The following ATP8A2 variants were observed in gnomAD, a reference collection of about 807,000 sequenced individuals.
ATP8A2 encodes ATPase phospholipid transporting 8A2.
ATP8A2 carries 100 observed loss-of-function variants against 165.6 expected under a neutral mutation model. The ratio of observed to expected loss-of-function variants is 0.60; its 90% CI spans 0.51 to 0.71. The LOEUF is 0.71. Among genes scored for constraint, ATP8A2 ranks in the 30% least tolerant of loss-of-function variants. ATP8A2 has a pLI of 0.00. For missense variants in ATP8A2, 1,227 were observed against 1,479.5 expected, an observed-to-expected ratio of 0.83 and a Z score of 2.80; for synonymous variants, 543 against 548.8, an observed-to-expected ratio of 0.99 and a Z score of 0.15.
intron 35 of ATP8A2, among the ~76,000 whole-genome samples, chr13:25,990,143 T>G (rs1326809887): frequency 6.6e-6 from 1 of 152,064 alleles, no homozygotes; most frequent in Non-Finnish European, 1.5e-5. Flanking sequence ...TTTGCGTTTA[T>G]ACGTTGGCCC....
intron 1 of ATP8A2, among the ~76,000 whole-genome samples, chr13:25,413,923 G>A (rs2034053534): frequency 6.6e-6 from 1 of 151,966 alleles, no homozygotes; most frequent in African/African-American, 2.4e-5. Context: ...TGGATTGACT[G>A]AAAATCTTCA....
At chr13:25,454,253 T>C (rs1330208396) in intron 1 of ATP8A2, among the ~76,000 whole-genome samples, 1 of 152,184 alleles carries the variant, frequency 6.6e-6, no homozygotes, top group Non-Finnish European at 1.5e-5. Context: ...ATGCCTGTCA[T>C]CAACCCACCA....
intron 2 of ATP8A2, among the ~76,000 whole-genome samples, chr13:25,513,368 G>C (rs1182479477): frequency 2.0e-5 from 3 of 151,858 alleles, no homozygotes; most frequent in Non-Finnish European, 2.9e-5. Context: ...TGGGCGGCCG[G>C]GCAGAGACGC....
intron 2 of ATP8A2, among the ~76,000 whole-genome samples, chr13:25,528,177 G>T (rs1165591250): frequency 6.6e-6 from 1 of 152,110 alleles, no homozygotes; most frequent in Non-Finnish European, 1.5e-5. Context: ...GTGACATCCT[G>T]TTATGCCACA....
chr13:25,801,323 T>C (rs192138556), intron 27 of ATP8A2, among the ~76,000 whole-genome samples: 2 of 152,320 alleles, frequency 1.3e-5, no homozygotes, highest in Admixed American at 1.3e-4. Flanking sequence ...GTTAGTGCTC[T>C]GACCTGAGGA....
At chr13:25,463,825 A>G (rs1304944117) in intron 1 of ATP8A2, among the ~76,000 whole-genome samples, 1 of 152,164 alleles carries the variant, frequency 6.6e-6, no homozygotes, top group Non-Finnish European at 1.5e-5. Flanking sequence ...CTGCTGACTG[A>G]GTGTCCCTCC....
chr13:25,428,170 T>A (rs771690023), intron 1 of ATP8A2, among the ~76,000 whole-genome samples: 7 of 145,934 alleles, frequency 4.8e-5, no homozygotes, highest in Non-Finnish European at 1.1e-4. Flanking sequence ...GGTGACAGAG[T>A]AAGACCCTGT....
intron 2 of ATP8A2, among the ~76,000 whole-genome samples, chr13:25,522,478 C>T (rs1421679354): frequency 3.3e-5 from 5 of 152,112 alleles, no homozygotes; most frequent in Non-Finnish European, 7.3e-5. Flanking sequence ...GCATCCTTAT[C>T]ATGTTCCAGA....
At chr13:25,657,409 G>A (rs1369629538) in intron 24 of ATP8A2, among the ~76,000 whole-genome samples, 5 of 152,128 alleles carry the variant, frequency 3.3e-5, no homozygotes, top group African/African-American at 2.4e-5. Context: ...TCAGATGCCT[G>A]GGGGGGTGAG....
chr13:25,800,159 A>G (rs1352065698), intron 27 of ATP8A2, among the ~76,000 whole-genome samples: 1 of 152,234 alleles, frequency 6.6e-6, no homozygotes, highest in Admixed American at 6.5e-5. Flanking sequence ...GGTGCGATGT[A>G]ACTTGTCCAC....
chr13:25,469,554 A>G (rs1028438774), intron 2 of ATP8A2, among the ~76,000 whole-genome samples: 2 of 152,034 alleles, frequency 1.3e-5, no homozygotes, highest in Admixed American at 1.3e-4. Context: ...AAGGAATCAC[A>G]TTCAGTTCTC....
intron 24 of ATP8A2, among the ~76,000 whole-genome samples, chr13:25,603,333 C>CA (rs906462842): frequency 1.3e-4 from 20 of 151,054 alleles, no homozygotes; most frequent in Non-Finnish European, 2.1e-4. Flanking sequence ...ACAAAAAATA[C>CA]AAAAAAAATT....
At chr13:25,887,615 C>T (rs1381326122) in intron 33 of ATP8A2, among the ~76,000 whole-genome samples, 1 of 152,074 alleles carries the variant, frequency 6.6e-6, no homozygotes, top group Non-Finnish European at 1.5e-5. Flanking sequence ...GGATTACAGG[C>T]GTGAGCCACA....
At chr13:25,480,011 C>T (rs2036114996) in intron 2 of ATP8A2, among the ~76,000 whole-genome samples, 1 of 152,220 alleles carries the variant, frequency 6.6e-6, no homozygotes, top group African/African-American at 2.4e-5. Context: ...GTTGGGCACA[C>T]CTCCCGGACG....
chr13:25,833,061 A>G (rs1221515981), intron 28 of ATP8A2, among the ~76,000 whole-genome samples: 1 of 149,314 alleles, frequency 6.7e-6, no homozygotes, highest in Admixed American at 6.8e-5. Flanking sequence ...TTTCTAGCCT[A>G]GCAATAAACA....
intron 2 of ATP8A2, among the ~76,000 whole-genome samples, chr13:25,500,483 T>A (rs758751566): frequency 6.6e-6 from 1 of 152,212 alleles, no homozygotes; most frequent in Admixed American, 6.5e-5. Context: ...CATAATATTG[T>A]GTGGAGTGCT....
intron 35 of ATP8A2, among the ~76,000 whole-genome samples, chr13:25,975,939 A>AG: frequency 6.6e-6 from 1 of 152,330 alleles, no homozygotes; most frequent in Middle Eastern, 3.4e-3. Context: ...TCAGTCAAAC[A>AG]ACCCGTCCAT....
chr13:25,658,230 A>T (rs573466414), intron 24 of ATP8A2, among the ~76,000 whole-genome samples: 4 of 152,342 alleles, frequency 2.6e-5, no homozygotes, highest in Admixed American at 6.5e-5. Context: ...TAGAATTTAA[A>T]AGTGTTACCA....
chr13:25,482,810 C>T (rs999516024), intron 2 of ATP8A2, among the ~76,000 whole-genome samples: 1 of 152,232 alleles, frequency 6.6e-6, no homozygotes, highest in African/African-American at 2.4e-5. Context: ...TTGCCTGCTG[C>T]CGTCCATGTA....
Sources: allele counts gnomAD v4.1 joint callset (sites outside exome capture counted in the v4.1 genomes callset), GRCh38; gene constraint gnomAD v4.1.1; transcripts MANE v1.5; gene names NCBI Gene and HGNC (gene_info 2026-07-23, HGNC 2026-07-21).